The following RPIA variants were observed in gnomAD, a reference collection of about 807,000 sequenced individuals.
The protein encoded by RPIA is ribose 5-phosphate isomerase A, also known as ribose-5-phosphate isomerase.
In RPIA, 29 loss-of-function variants were observed where a neutral mutation model predicts 37.8. The observed-to-expected ratio is 0.77, with a 90% confidence interval of 0.57 to 1.05. RPIA has a LOEUF of 1.05. Among genes scored for constraint, RPIA ranks in the 50% least tolerant of loss-of-function variants. RPIA has a pLI of 0.00. For missense variants in RPIA, 385 were observed against 413.6 expected (o/e 0.93, Z 0.60); for synonymous variants, 167 against 157.0 (o/e 1.06, Z -0.48).
In RPIA at chr2:88,749,968, C is replaced by T. The variant is rs763998933; in HGVS notation, c.839-13C>T. 3.1e-6 allele frequency: 5 copies of T among 1,599,446 alleles called. No homozygotes were observed. Among genetic ancestry groups the T allele is most frequent in the Non-Finnish European group, 4.3e-6 (5 of 1,167,066 alleles). On this transcript the variant is annotated splice_polypyrimidine_tract_variant and intron_variant, in intron 8 of 8. Transcript: ENST00000283646. ...GGCTGAAACAATGTTTCTTTCTGTCCTTTGTCCTGCAGGTGTGGTGGACAC... is the reference window on the plus strand; with the variant it reads ...GGCTGAAACAATGTTTCTTTCTGTCTTTTGTCCTGCAGGTGTGGTGGACAC...
intron 3 of RPIA, among the ~76,000 whole-genome samples, chr2:88,701,694 G>C (rs968209952): frequency 1.4e-3 from 4 of 2,824 alleles, no homozygotes; most frequent in Admixed American, 3.1e-3. Context: ...ATAGATCAGG[G>C]ACACAGACTC....
chr2:88,698,060 T>TTTC (rs1199250459), intron 1 of RPIA, among the ~76,000 whole-genome samples: 10 of 151,794 alleles, frequency 6.6e-5, no homozygotes, highest in African/African-American at 1.2e-4. Flanking sequence ...TTTTCTTTTC[T>TTTC]TTCTTCTTCT....
chr2:88,703,842 A>G (rs1672864409), intron 3 of RPIA, among the ~76,000 whole-genome samples: 1 of 152,204 alleles, frequency 6.6e-6, no homozygotes, highest in African/African-American at 2.4e-5. Context: ...TCAAACTTTT[A>G]TACTCTGTTT....
intron 2 of RPIA, 87 bp downstream of exon 2, chr2:88,698,631 T>G: frequency 8.0e-7 from 1 of 1,248,750 alleles, no homozygotes; most frequent in African/African-American, 1.5e-5. Context: ...CACACAGGTT[T>G]GGCATTGCCC....
At chr2:88,709,492 A>T (rs992497303) in intron 3 of RPIA, among the ~76,000 whole-genome samples, 1 of 152,188 alleles carries the variant, frequency 6.6e-6, no homozygotes, top group African/African-American at 2.4e-5. Flanking sequence ...TTATGAGCCA[A>T]TTGTGGGTGA....
At chr2:88,729,159 G>A in intron 3 of RPIA, 119 bp from the exon 4 acceptor site, 1 of 1,024,434 alleles carries the variant, frequency 9.8e-7, no homozygotes. Flanking sequence ...GGTGGGCCAT[G>A]CTGGGCTTTG....
At chr2:88,721,896 G>T (rs1447007095) in intron 3 of RPIA, among the ~76,000 whole-genome samples, 3 of 149,204 alleles carry the variant, frequency 2.0e-5, no homozygotes, top group African/African-American at 4.9e-5. Flanking sequence ...TATATAAATG[G>T]TTTTTTTTAA....
At chr2:88,723,195 G>A (rs1445736543) in intron 3 of RPIA, among the ~76,000 whole-genome samples, 5 of 152,136 alleles carry the variant, frequency 3.3e-5, no homozygotes, top group African/African-American at 1.2e-4. Context: ...TGCTCTAATG[G>A]TAAGGAGAGA....
chr2:88,708,556 C>G (rs1331553165), intron 3 of RPIA, among the ~76,000 whole-genome samples: 2 of 152,096 alleles, frequency 1.3e-5, no homozygotes, highest in African/African-American at 4.8e-5. Flanking sequence ...TTTAGTTAAG[C>G]CTTGACAATA....
intron 3 of RPIA, among the ~76,000 whole-genome samples, chr2:88,722,962 A>G (rs1443758392): frequency 6.6e-6 from 1 of 152,212 alleles, no homozygotes; most frequent in Non-Finnish European, 1.5e-5. Flanking sequence ...TTTTTTTAAG[A>G]CAGGAAGCAA....
intron 3 of RPIA, among the ~76,000 whole-genome samples, chr2:88,720,549 T>C (rs967552252): frequency 6.6e-6 from 1 of 151,626 alleles, no homozygotes; most frequent in South Asian, 2.1e-4. Flanking sequence ...ATGTAATAAA[T>C]GTCAAACTTC....
intron 8 of RPIA, among the ~76,000 whole-genome samples, chr2:88,745,315 A>G (rs1267929329): frequency 2.0e-5 from 3 of 152,156 alleles, no homozygotes; most frequent in African/African-American, 7.2e-5. Flanking sequence ...TTTATTCATC[A>G]TGGTAGTTGT....
chr2:88,699,092 A>G (rs554460008), intron 2 of RPIA, among the ~76,000 whole-genome samples: 2 of 152,366 alleles, frequency 1.3e-5, no homozygotes, highest in African/African-American at 4.8e-5. Context: ...AACAAAGCCC[A>G]GAGGAGAGGC....
chr2:88,696,438 G>A (rs1481068869), intron 1 of RPIA, among the ~76,000 whole-genome samples: 1 of 152,132 alleles, frequency 6.6e-6, no homozygotes, highest in East Asian at 1.9e-4. Context: ...CTAGCTATGT[G>A]GGAAGCTGAG....
intron 1 of RPIA, among the ~76,000 whole-genome samples, chr2:88,695,461 T>C (rs1672723422): frequency 6.6e-6 from 1 of 152,176 alleles, no homozygotes; most frequent in Admixed American, 6.5e-5. Context: ...CCCCATACAT[T>C]TGATCACAGA....
intron 3 of RPIA, among the ~76,000 whole-genome samples, chr2:88,710,629 A>G (rs1024654848): frequency 2.0e-5 from 3 of 152,216 alleles, no homozygotes; most frequent in African/African-American, 7.2e-5. Context: ...CATTTTGGCC[A>G]AGTTAAGCTA....
At chr2:88,749,217 A>G (rs979191884) in intron 8 of RPIA, among the ~76,000 whole-genome samples, 2 of 152,216 alleles carry the variant, frequency 1.3e-5, no homozygotes, top group African/African-American at 4.8e-5. Context: ...AACATTTCCA[A>G]AGTGCTTTTG....
At chr2:88,734,400 C>A in intron 4 of RPIA, 152 bp from the exon 5 acceptor site, 1 of 749,550 alleles carries the variant, frequency 1.3e-6, no homozygotes, top group Non-Finnish European at 2.4e-6. Flanking sequence ...AGCAGCTTAA[C>A]CTCTTGTAGC....
chr2:88,713,104 A>ATT (rs1344254666), intron 3 of RPIA, among the ~76,000 whole-genome samples: 1 of 72,084 alleles, frequency 1.4e-5, no homozygotes, highest in Non-Finnish European at 2.5e-5. Context: ...GTCTGAATAT[A>ATT]TATATATATA....
Sources: allele counts gnomAD v4.1 joint callset (sites outside exome capture counted in the v4.1 genomes callset), GRCh38; gene constraint gnomAD v4.1.1; transcripts MANE v1.5; gene names NCBI Gene and HGNC (gene_info 2026-07-23, HGNC 2026-07-21).